The following HEATR1 variants were observed in gnomAD, a reference collection of about 807,000 sequenced individuals.
HEATR1 encodes HEAT repeat-containing protein 1.
Under a neutral mutation model 248.2 loss-of-function variants are expected in HEATR1, and 77 were observed. The observed-to-expected ratio is 0.31, with a 90% confidence interval of 0.26 to 0.37. The LOEUF (loss-of-function observed/expected upper bound fraction) is 0.37, where lower values mean the gene tolerates loss of function less well. HEATR1 is among the 10% of genes least tolerant of loss of function. The pLI, the probability that HEATR1 is intolerant of heterozygous loss-of-function variation, is 1.00. For missense variants in HEATR1, 2,420 were observed against 2,504.9 expected (o/e 0.97, Z 0.72); for synonymous variants, 897 against 923.1 (o/e 0.97, Z 0.51).
At chr1:236,558,664 G>C in intron 35 of HEATR1, 135 bp from the exon 36 acceptor site, 1 of 859,340 alleles carries the variant, frequency 1.2e-6, no homozygotes, top group Non-Finnish European at 1.8e-6. Flanking sequence ...CATGCTAAGC[G>C]ATGTGCATGT....
At chr1:236,603,877 AAG>A in intron 2 of HEATR1, 75 bp downstream of exon 2, 3 of 1,405,234 alleles carry the variant, frequency 2.1e-6, no homozygotes, top group Non-Finnish European at 2.9e-6. Context: ...AAGAGAAAAC[AAG>A]GGGAAAAAAA....
chr1:236,576,567 C>T (rs1280434001), intron 21 of HEATR1, among the ~76,000 whole-genome samples, 190 bp from the exon 22 acceptor site: 3 of 152,176 alleles, frequency 2.0e-5, no homozygotes, highest in Non-Finnish European at 4.4e-5. Flanking sequence ...ACACACTAAA[C>T]CTTTATCCAA....
In HEATR1 at chr1:236,587,331, GAAGA is replaced by G. The variant is rs1558189354; in HGVS notation, c.1715+67_1715+70del. ...ATCAAAGCCTTAAAAAAAAAAAGAAGAAGAAATAGAAAGAACTTGATATAAGAAC... is the reference window on the plus strand; with the variant it reads ...ATCAAAGCCTTAAAAAAAAAAAGAAGAATAGAAAGAACTTGATATAAGAAC... On this transcript the variant is annotated intron_variant, in intron 14 of 44. Transcript: ENST00000366582. The G allele has an allele frequency of 1.0e-5, 7 of 680,600 alleles. No individual in the cohort carries two copies. The Admixed American group carries it at 1.1e-4, about 11-fold the overall frequency. 42.2% of individuals were successfully genotyped at this position (680,600 alleles called of 1,614,324 possible). A position where few individuals can be genotyped will look rare whatever the true frequency, so the allele number is the denominator to read the frequency against.
At chr1:236,604,394 C>T in intron 1 of HEATR1, 28 bp downstream of exon 1, 1 of 286,484 alleles carries the variant, frequency 3.5e-6, no homozygotes, top group Non-Finnish European at 6.4e-6. Flanking sequence ...CCATCCGCAG[C>T]CACATCAAGC....
Position 236,549,094 on chromosome 1 carries a change from C to T in HEATR1, c.*1808G>A. The T allele has an allele frequency of 2.5e-6, 1 of 398,086 alleles. No individual in the cohort carries two copies. Among genetic ancestry groups the T allele is most frequent in the Non-Finnish European group, 4.4e-6 (1 of 225,814 alleles). The allele number at this position is 398,086 out of a possible 1,614,324, so 24.7% of individuals were successfully genotyped here. ...GGCAGGCACTATCAGAAAGTGTACGCCAACTAAGGGACCCACAAAGCAGGC... is the reference window on the plus strand; with the variant it reads ...GGCAGGCACTATCAGAAAGTGTACGTCAACTAAGGGACCCACAAAGCAGGC... On this transcript the variant is annotated 3_prime_UTR_variant, in exon 45 of 45. Transcript: ENST00000366582.
At chr1:236,576,175 T>C in intron 22 of HEATR1, 44 bp downstream of exon 22, 1 of 1,447,980 alleles carries the variant, frequency 6.9e-7, no homozygotes, top group Non-Finnish European at 9.2e-7. Context: ...AACAATTCTT[T>C]AGTAACATCA....
chr1:236,587,522 G>C, intron 13 of HEATR1, 32 bp from the exon 14 acceptor site: 2 of 1,119,162 alleles, frequency 1.8e-6, no homozygotes, highest in Non-Finnish European at 2.5e-6. Context: ...GAGTAGATTT[G>C]TACTTGCTTC....
chr1:236,576,901 C>T lies in HEATR1; in HGVS notation c.2804G>A (p.Arg935His), dbSNP rs1185603876. ...CTGGAGACACTGAATGGCAGCCCTA[C>T]GAACTTCTTTTACGGGGCTTCCCAG... is the stretch of plus-strand genomic sequence containing the variant. Reference protein sequence around the residue: ...INLGSPVKEVRRAAIQCLQAL... With the variant: ...INLGSPVKEVHRAAIQCLQAL... Residue 935 changes from arginine to histidine, a missense_variant, in exon 21 of 45, where the codon CGT (arginine) becomes CAT (histidine). Coordinates refer to ENST00000366582, the MANE Select transcript of HEATR1 (RefSeq NM_018072.6). 2.5e-6 allele frequency: 4 copies of T among 1,612,892 alleles called. No individual in the cohort carries two copies. The highest frequency in any genetic ancestry group is 1.1e-5 in the South Asian group (1 of 90,760).
At chr1:236,584,981 GTTTTA>G in intron 17 of HEATR1, 39 bp downstream of exon 17, 1 of 1,543,970 alleles carries the variant, frequency 6.5e-7, no homozygotes. Flanking sequence ...CCAGGCTGTT[GTTTTA>G]TTCAACATCC....
intron 20 of HEATR1, among the ~76,000 whole-genome samples, chr1:236,580,043 G>A (rs1273993888): frequency 1.3e-5 from 2 of 151,602 alleles, no homozygotes; most frequent in Non-Finnish European, 2.9e-5. Context: ...CATTAATCAT[G>A]TCCATTATTC....
At position 236,574,922 on chromosome 1, in the gene HEATR1, A is replaced by G; in HGVS notation, c.3085-19T>C. On this transcript the variant is annotated intron_variant, in intron 22 of 44. Transcript: ENST00000366582. ...GCACCATCTAAAGATCCAAAGACTT[A>G]GTAGTAAATAGTTATGTATACTGAT... 6.2e-7 allele frequency: 1 copy of G among 1,607,720 alleles called. No homozygotes were observed. The highest frequency in any genetic ancestry group is 8.5e-7 in the Non-Finnish European group (1 of 1,177,452).
rs142628625 is a variant in HEATR1, at chr1:236,574,751, C to T, written c.3237G>A (p.Pro1079=). 1.4e-4 allele frequency: 233 copies of T among 1,613,822 alleles called. No homozygotes were observed. In the African/African-American group the frequency reaches 2.3e-3, roughly 16 times the overall value. The change falls in exon 23 of 45, where the codon CCG becomes CCA. Residue 1079 remains proline (P), a synonymous_variant. Transcript: ENST00000366582. ...EFSVSLLNED[P]KSLDIFIKAV... ...CTTTTATAAATATATCTAGACTCTT[C>T]GGATCCTCATTTAAAAGGGAAACTG...
At chr1:236,588,324 T>C (rs181325424) in intron 12 of HEATR1, among the ~76,000 whole-genome samples, 5 of 152,352 alleles carry the variant, frequency 3.3e-5, no homozygotes, top group African/African-American at 9.6e-5. Context: ...GTTCATCTTA[T>C]TAAAGTGAGA....
chr1:236,588,174 A>G (rs1484636348), intron 12 of HEATR1, 131 bp from the exon 13 acceptor site: 2 of 589,666 alleles, frequency 3.4e-6, no homozygotes, highest in African/African-American at 3.8e-5. Context: ...GCTCTGGATG[A>G]GGACTGAAAC....
chr1:236,556,734 T>C (rs2250971), intron 37 of HEATR1, among the ~76,000 whole-genome samples: 105,035 of 152,090 alleles, frequency 0.69, 36,532 homozygotes, highest in Non-Finnish European at 0.72. Context: ...GGTCTCAACA[T>C]TCTTGAGCAT....
chr1:236,559,154 T>C lies in HEATR1; in HGVS notation c.4771-19A>G. The C allele has an allele frequency of 1.3e-6, 2 of 1,532,126 alleles. No homozygotes were observed. The highest frequency in any genetic ancestry group is 1.7e-6 in the Non-Finnish European group (2 of 1,143,444). The allele number at this position is 1,532,126 out of a possible 1,614,324, so 94.9% of individuals were successfully genotyped here. A position where few individuals can be genotyped will look rare whatever the true frequency, so the allele number is the denominator to read the frequency against. ...CATTGACCTAAAGAGAAATTTTATA[T>C]TTAACATGAAAAGAAAAACAAATTA... On this transcript the variant is annotated intron_variant, in intron 34 of 44. Transcript: ENST00000366582.
rs1442850540 is a variant in HEATR1, at chr1:236,594,136, T to C, written c.1091-22A>G. On this transcript the variant is annotated intron_variant, in intron 8 of 44. Coordinates refer to ENST00000366582, the MANE Select transcript of HEATR1 (RefSeq NM_018072.6). ...TCTCCTTAATATGTAAAAATTAAAA[T>C]TGTGTTGGGAAAAATTTATTTTGCA... 3.4e-6 allele frequency: 5 copies of C among 1,456,380 alleles called. No individual in the cohort carries two copies. In the African/African-American group the frequency reaches 4.3e-5, roughly 13 times the overall value. The allele number at this position is 1,456,380 out of a possible 1,614,324, so 90.2% of individuals were successfully genotyped here. A position where few individuals can be genotyped will look rare whatever the true frequency, so the allele number is the denominator to read the frequency against.
rs1056752486 is a variant in HEATR1, at chr1:236,596,755, C to T, written c.744+81G>A. On this transcript the variant is annotated intron_variant, in intron 6 of 44. Transcript: ENST00000366582. ...GAAATAAACTGTCAATTTAAAAACA[C>T]TTAAATCTAAAAAAACTTTCGAAAG... 10 of 1,354,076 alleles carry T rather than the reference C, an allele frequency of 7.4e-6. No individual in the cohort carries two copies. In the Admixed American group the frequency reaches 1.4e-4, roughly 19 times the overall value. The allele number at this position is 1,354,076 out of a possible 1,614,324, so 83.9% of individuals were successfully genotyped here. A position where few individuals can be genotyped will look rare whatever the true frequency, so the allele number is the denominator to read the frequency against.
intron 26 of HEATR1, 99 bp from the exon 27 acceptor site, chr1:236,571,785 T>C: frequency 1.3e-6 from 1 of 751,352 alleles, no homozygotes; most frequent in Non-Finnish European, 2.2e-6. Context: ...AATAAGGAAC[T>C]CATTCAATAA....
Sources: allele counts gnomAD v4.1 joint callset (sites outside exome capture counted in the v4.1 genomes callset), GRCh38; gene constraint gnomAD v4.1.1; transcripts MANE v1.5; gene names NCBI Gene and HGNC (gene_info 2026-07-23, HGNC 2026-07-21).